Variants in CCDC27 observed in about 807,000 individuals in gnomAD.
The protein encoded by CCDC27 is coiled-coil domain-containing protein 27.
In CCDC27, 80 loss-of-function variants were observed where a neutral mutation model predicts 80.3. That is an observed-to-expected ratio of 1.00 (90% CI 0.83 to 1.20). The LOEUF is 1.20. Ranked by LOEUF, CCDC27 falls within the 50% of genes most tolerant of loss-of-function variation. CCDC27 has a pLI of 0.00. For missense variants in CCDC27, 815 were observed against 809.4 expected (o/e 1.01, Z -0.08); for synonymous variants, 342 against 334.3 (o/e 1.02, Z -0.25).
At chr1:3,759,730 T>C (rs1385615764) in intron 4 of CCDC27, among the ~76,000 whole-genome samples, 1 of 152,228 alleles carries the variant, frequency 6.6e-6, no homozygotes, top group East Asian at 1.9e-4. Context: ...ATTCATTTTG[T>C]TTACTCCTGC....
chr1:3,761,172 TG>T lies in CCDC27; in HGVS notation c.712-105del. On this transcript the variant is annotated intron_variant, in intron 4 of 11. Transcript: ENST00000294600. The surrounding 1 kb of genome is among the most constrained non-coding windows in gnomAD (Gnocchi z 5.0). The stretch of plus-strand genomic sequence containing the variant: ...TGAAATCCCTGGGACCCTGGGGTTT[TG>T]GGGTACCACGACAGCAGATCTGCTC... The T allele has an allele frequency of 7.5e-7, 1 of 1,331,152 alleles. No homozygotes were observed. The highest frequency in any genetic ancestry group is 1.0e-6 in the Non-Finnish European group (1 of 962,550). 82.5% of individuals were successfully genotyped at this position (1,331,152 alleles called of 1,614,324 possible).
intron 1 of CCDC27, 94 bp downstream of exon 1, chr1:3,752,893 A>G (rs1461579822): frequency 1.5e-6 from 2 of 1,354,372 alleles, no homozygotes; most frequent in African/African-American, 2.9e-5. Context: ...CCCACAAAGC[A>G]TTCCACAGGC....
At chr1:3,767,806 G>A (rs1165110648) in intron 10 of CCDC27, among the ~76,000 whole-genome samples, 7 of 152,236 alleles carry the variant, frequency 4.6e-5, no homozygotes, top group Non-Finnish European at 7.3e-5. Flanking sequence ...GAGTCATAGC[G>A]TGCTTGCTGG....
Position 3,764,905 on chromosome 1 carries a change from G to A in CCDC27, c.1452+1069G>A, listed in dbSNP as rs563106199. On this transcript the variant is annotated intron_variant, in intron 8 of 11. Coordinates refer to ENST00000294600, the MANE Select transcript of CCDC27 (RefSeq NM_152492.3). ...ACAAAAATTAACCGGTGTGATGGTG[G>A]ATGCCTGTAATCCCAGCTACTCAGG... Among the ~76,000 whole-genome samples the A allele has an allele frequency of 3.6e-4, 55 of 152,070 alleles. 2 individuals are homozygous for A. In the South Asian group the frequency reaches 0.011, roughly 30 times the overall value.
intron 11 of CCDC27, among the ~76,000 whole-genome samples, 156 bp from the exon 12 acceptor site, chr1:3,771,245 G>C (rs935023953): frequency 6.6e-5 from 10 of 152,198 alleles, no homozygotes; most frequent in African/African-American, 2.2e-4. Flanking sequence ...AGAGCCGGTT[G>C]TAAGTATTCA....
chr1:3,767,419 G>A lies in CCDC27; in HGVS notation c.1717G>A (p.Val573Met), dbSNP rs745656729. The part of the protein sequence containing the change: ...MIQQAEQHTR[V>M]ALESSQSRLE... Reference sequence around the variant, plus strand: ...TCAGCAGGCAGAGCAGCACACCCGCGTGGCCCTGGAGAGCTCCCAGTCCAG... The same window carrying A: ...TCAGCAGGCAGAGCAGCACACCCGCATGGCCCTGGAGAGCTCCCAGTCCAG... Residue 573 changes from valine (V) to methionine (M), a missense_variant, in exon 10 of 12, where the codon GTG becomes ATG. Val to Met is a conservative substitution (Grantham distance 21). Transcript: ENST00000294600. 49 of 1,613,038 alleles carry A rather than the reference G, an allele frequency of 3.0e-5. No homozygotes were observed. The highest frequency in any genetic ancestry group is 2.0e-4 in the African/African-American group (15 of 74,940).
chr1:3,754,101 T>C lies in CCDC27; in HGVS notation c.319-17T>C. The C allele has an allele frequency of 6.2e-7, 1 of 1,611,664 alleles. No individual in the cohort carries two copies. Among genetic ancestry groups the C allele is most frequent in the Non-Finnish European group, 8.5e-7 (1 of 1,178,800 alleles). On this transcript the variant is annotated splice_polypyrimidine_tract_variant and intron_variant, in intron 1 of 11. Transcript: ENST00000294600. Reference sequence around the variant, plus strand: ...CAGGGGCCTTCCTTGTCTGTCTTACTTTCCCCGCTCTGCCAGAGTGAACCC... The same window carrying C: ...CAGGGGCCTTCCTTGTCTGTCTTACCTTCCCCGCTCTGCCAGAGTGAACCC...
rs1029960477 is a variant in CCDC27 at position 3,769,058 on chromosome 1, C to T, written c.1744-725C>T. On this transcript the variant is annotated intron_variant, in intron 10 of 11. Transcript: ENST00000294600. This position sits in a 1 kb window ranked among gnomAD's most constrained non-coding sequence, Gnocchi z 4.6. Reference sequence around the variant, plus strand: ...GCCCAGCTCCTGTGGGGCACCTCTGCGTCGTCAGGGTTTCTGGACGAGGAA... The same window carrying T: ...GCCCAGCTCCTGTGGGGCACCTCTGTGTCGTCAGGGTTTCTGGACGAGGAA... Among the ~76,000 whole-genome samples the T allele has an allele frequency of 2.6e-5, 4 of 152,160 alleles. No individual in the cohort carries two copies. Among genetic ancestry groups the T allele is most frequent in the Admixed American group, 6.5e-5 (1 of 15,284 alleles).
At chr1:3,755,430 C>A in intron 2 of CCDC27, 27 bp from the exon 3 acceptor site, 1 of 1,585,208 alleles carries the variant, frequency 6.3e-7, no homozygotes, top group South Asian at 1.1e-5. Flanking sequence ...GCAGCAGTCA[C>A]CAGATGGCAT....
In CCDC27 at chr1:3,769,657, C is replaced by A; in HGVS notation, c.1744-126C>A. The A allele has an allele frequency of 1.4e-6, 1 of 690,718 alleles. No individual in the cohort carries two copies. 42.8% of individuals were successfully genotyped at this position (690,718 alleles called of 1,614,324 possible). ...TGACACCTGTTTCCAGTTTCTAAAG[C>A]CATGAAAAGTGAGGGTGAGCTGTTC... On this transcript the variant is annotated intron_variant, in intron 10 of 11. Transcript: ENST00000294600. This position sits in a 1 kb window ranked among gnomAD's most constrained non-coding sequence, Gnocchi z 4.6.
In CCDC27 at chr1:3,760,077, G is replaced by A. The variant is rs145395777; in HGVS notation, c.712-1204G>A. On this transcript the variant is annotated intron_variant, in intron 4 of 11. Transcript: ENST00000294600. This position sits in a 1 kb window ranked among gnomAD's most constrained non-coding sequence, Gnocchi z 4.3. ...ACCTGCAGCAACAAGTTTGCAGCTG[G>A]CATTGTGTGAACTCGGCAGCTCTAA... is the stretch of plus-strand genomic sequence containing the variant. 6.6e-6 allele frequency among the ~76,000 whole-genome samples: 1 copy of A among 152,300 alleles called. No homozygotes were observed. Among genetic ancestry groups the A allele is most frequent in the Non-Finnish European group, 1.5e-5 (1 of 68,028 alleles).
intron 8 of CCDC27, among the ~76,000 whole-genome samples, chr1:3,764,807 A>G (rs1643189601): frequency 6.6e-6 from 1 of 152,154 alleles, no homozygotes; most frequent in Non-Finnish European, 1.5e-5. Flanking sequence ...AGGCTGAGGC[A>G]GGTGGATCAC....
Position 3,769,960 on chromosome 1 carries a change from G to C in CCDC27, c.1848+73G>C, listed in dbSNP as rs2124598883. The C allele has an allele frequency of 3.7e-6, 4 of 1,091,322 alleles. No homozygotes were observed. Among genetic ancestry groups the C allele is most frequent in the South Asian group, 2.5e-5 (2 of 80,474 alleles). 67.6% of individuals were successfully genotyped at this position (1,091,322 alleles called of 1,614,324 possible). On this transcript the variant is annotated intron_variant, in intron 11 of 11. Coordinates refer to ENST00000294600, the MANE Select transcript of CCDC27 (RefSeq NM_152492.3). This position sits in a 1 kb window ranked among gnomAD's most constrained non-coding sequence, Gnocchi z 4.6. ...GCCAGAGCTGTGGTAGGGGGTTGTG[G>C]GGGGCCTAGATTCCAGGGACTCTGT...
At position 3,752,674 on chromosome 1, in the gene CCDC27, A is replaced by AGGG; in HGVS notation, c.194_196dup (p.Arg65_Ala66insGly). 6.2e-7 allele frequency: 1 copy of AGGG among 1,614,046 alleles called. No homozygotes were observed. Among genetic ancestry groups the AGGG allele is most frequent in the Non-Finnish European group, 8.5e-7 (1 of 1,180,022 alleles). On this transcript the variant is annotated inframe_insertion, in exon 1 of 12. Transcript: ENST00000294600. ...CAGTTCGATGTCCAGCTCGATGGCC[A>AGGG]GGGCCCTGGTGCTCCTCCAGAGCAT...
chr1:3,770,537 C>T (rs959028183), intron 11 of CCDC27, among the ~76,000 whole-genome samples: 3 of 152,210 alleles, frequency 2.0e-5, no homozygotes, highest in African/African-American at 4.8e-5. Flanking sequence ...CTCTGGGAGC[C>T]GGGCACCGGC....
chr1:3,767,506 C>G (rs1029730345), intron 10 of CCDC27, 61 bp downstream of exon 10: 1 of 1,448,392 alleles, frequency 6.9e-7, no homozygotes, highest in African/African-American at 1.4e-5. Context: ...GCACCCAGGC[C>G]TCTGCCCACC....
chr1:3,769,861 GA>G lies in CCDC27; in HGVS notation c.1823del (p.Asp608AlafsTer22). On this transcript the variant is annotated frameshift_variant, in exon 11 of 12. Transcript: ENST00000294600. LOFTEE classifies it low-confidence loss of function (END_TRUNC). The surrounding 1 kb of genome is among the most constrained non-coding windows in gnomAD (Gnocchi z 4.6). ...GTKSLANEIS[D>X]NDILEALQRI... ...CAAGTCCTTGGCCAACGAGATCTCTGACAATGACATCCTGGAAGCCCTGCAG... is the reference window on the plus strand; with the variant it reads ...CAAGTCCTTGGCCAACGAGATCTCTGCAATGACATCCTGGAAGCCCTGCAG... 1.2e-6 allele frequency: 2 copies of G among 1,613,888 alleles called. No individual in the cohort carries two copies. The highest frequency in any genetic ancestry group is 1.7e-6 in the Non-Finnish European group (2 of 1,179,886).
rs1466093183 is a variant in CCDC27 at position 3,760,585 on chromosome 1, T to C, written c.712-696T>C. Among the ~76,000 whole-genome samples the C allele has an allele frequency of 6.6e-6, 1 of 152,224 alleles. No individual in the cohort carries two copies. The highest frequency in any genetic ancestry group is 1.5e-5 in the Non-Finnish European group (1 of 68,026). On this transcript the variant is annotated intron_variant, in intron 4 of 11. Transcript: ENST00000294600. The surrounding 1 kb of genome is among the most constrained non-coding windows in gnomAD (Gnocchi z 4.3). ...CCGGATGTTCATTATCAGTTTAAAATGTTTCTAGCTTTCCTTGTGATTTCT... is the reference window on the plus strand; with the variant it reads ...CCGGATGTTCATTATCAGTTTAAAACGTTTCTAGCTTTCCTTGTGATTTCT...
chr1:3,762,836 C>A, intron 6 of CCDC27, 124 bp downstream of exon 6: 2 of 970,012 alleles, frequency 2.1e-6, no homozygotes, highest in Non-Finnish European at 3.0e-6. Context: ...GGGTGCCCCA[C>A]TCCAGGGGAG....
Sources: gnomAD v4.1 joint callset for allele counts (sites outside exome capture counted in the v4.1 genomes callset) on GRCh38, gnomAD v4.1.1 for gene constraint, Gnocchi (gnomAD v3.1) non-coding constraint, MANE v1.5 for transcripts, NCBI Gene and HGNC (gene_info 2026-07-23, HGNC 2026-07-21) for gene names.